Variants in KCNQ1 observed in about 807,000 individuals in gnomAD.
KCNQ1 encodes the protein potassium voltage-gated channel subfamily Q member 1.
Under a neutral mutation model 72.4 loss-of-function variants are expected in KCNQ1, and 49 were observed. The observed-to-expected ratio is 0.68, with a 90% confidence interval of 0.54 to 0.86. The LOEUF is 0.86. Ranked by LOEUF, KCNQ1 falls within the 40% of genes least tolerant of loss-of-function variation. KCNQ1 has a pLI of 0.00. For synonymous variants in KCNQ1, 450 were observed against 412.6 expected (o/e 1.09, Z -1.10); for missense variants, 790 against 945.1 (o/e 0.84, Z 2.15).
rs541909595 is a variant in KCNQ1 at position 2,564,687 on chromosome 11, T to A, written c.478-5941T>A. The stretch of plus-strand genomic sequence containing the variant: ...CATCGCCACCATCCAGCTCCAGAGC[T>A]TTTTTCATCTTGCAAAACTGATGAA... On this transcript the variant is annotated intron_variant, in intron 2 of 15. Transcript: ENST00000155840. The surrounding 1 kb of genome is among the most constrained non-coding windows in gnomAD (Gnocchi z 4.5). 6.6e-6 allele frequency among the ~76,000 whole-genome samples: 1 copy of A among 152,218 alleles called. No homozygotes were observed. The highest frequency in any genetic ancestry group is 2.1e-4 in the South Asian group (1 of 4,828).
Position 2,484,583 on chromosome 11 carries a change from C to A in KCNQ1, c.386+39099C>A. Among the ~76,000 whole-genome samples the A allele has an allele frequency of 6.6e-6, 1 of 152,198 alleles. No homozygotes were observed. The highest frequency in any genetic ancestry group is 1.9e-4 in the East Asian group (1 of 5,196). On this transcript the variant is annotated intron_variant, in intron 1 of 15. Transcript: ENST00000155840. This position sits in a 1 kb window ranked among gnomAD's most constrained non-coding sequence, Gnocchi z 5.2. ...TTTCTTGGACACTGCCTTCCTGGCA[C>A]CCCAAGATGCTCTGGGCTCAGCTTG...
In KCNQ1 at chr11:2,848,572, G is replaced by A. The variant is rs1848391230; in HGVS notation, c.*569G>A. The stretch of plus-strand genomic sequence containing the variant: ...TGCTGACCCATGGGCAGGAGACTGT[G>A]GAGACTGCTCCTGAGCCCCCAGCTT... On this transcript the variant is annotated 3_prime_UTR_variant, in exon 16 of 16. Coordinates refer to ENST00000155840, the MANE Select transcript of KCNQ1 (RefSeq NM_000218.3). 2.2e-6 allele frequency: 1 copy of A among 454,180 alleles called. No homozygotes were observed. Among genetic ancestry groups the A allele is most frequent in the Non-Finnish European group, 4.4e-6 (1 of 226,776 alleles). 28.1% of individuals were successfully genotyped at this position (454,180 alleles called of 1,614,324 possible).
In KCNQ1 at chr11:2,464,650, G is replaced by A. The variant is rs1045889587; in HGVS notation, c.386+19166G>A. Among the ~76,000 whole-genome samples the A allele has an allele frequency of 2.3e-4, 35 of 152,266 alleles. No individual in the cohort carries two copies. Among genetic ancestry groups the A allele is most frequent in the Admixed American group, 2.0e-3 (31 of 15,304 alleles). ...GACAGGAGTTGGGGGGGTGGGCAGT[G>A]CCTCTGTGTGGCAGATTCCAGCTTC... On this transcript the variant is annotated intron_variant, in intron 1 of 15. Transcript: ENST00000155840. This position sits in a 1 kb window ranked among gnomAD's most constrained non-coding sequence, Gnocchi z 5.0.
chr11:2,661,872 C>T lies in KCNQ1; in HGVS notation c.1394-89C>T, dbSNP rs1391797801. ...TTCCAGGCACAAGCTCCACTCCTCA[C>T]CTGGCCCTGGGAGCTCACAGGCCTG... On this transcript the variant is annotated intron_variant, in intron 10 of 15. Transcript: ENST00000155840. The surrounding 1 kb of genome is among the most constrained non-coding windows in gnomAD (Gnocchi z 5.9). 5 of 1,548,060 alleles carry T rather than the reference C, an allele frequency of 3.2e-6. No homozygotes were observed. The African/African-American group carries it at 4.1e-5, about 13-fold the overall frequency.
chr11:2,848,206 TG>T lies in KCNQ1; in HGVS notation c.*208del. On this transcript the variant is annotated 3_prime_UTR_variant, in exon 16 of 16. Transcript: ENST00000155840. ...CAAGGCCACCTCTTCCTGGCCGGTG[TG>T]GGGGCCCCGTCTCAGGTCTGAGTTG... 2 of 677,778 alleles carry T rather than the reference TG, an allele frequency of 3.0e-6. No individual in the cohort carries two copies. The highest frequency in any genetic ancestry group is 5.3e-6 in the Non-Finnish European group (2 of 377,756). 42.0% of individuals were successfully genotyped at this position (677,778 alleles called of 1,614,324 possible).
chr11:2,572,180 T>G (rs1848347803), intron 5 of KCNQ1, 71 bp downstream of exon 5: 8 of 1,195,336 alleles, frequency 6.7e-6, no homozygotes, highest in Non-Finnish European at 9.7e-6. Context: ...CAGCCCACAC[T>G]AGGACAGCTT....
Position 2,712,836 on chromosome 11 carries a change from A to AGTTTGGG in KCNQ1, c.1514+50757_1514+50763dup, listed in dbSNP as rs751595867. On this transcript the variant is annotated intron_variant, in intron 11 of 15. Coordinates refer to ENST00000155840, the MANE Select transcript of KCNQ1 (RefSeq NM_000218.3). The surrounding 1 kb of genome is among the most constrained non-coding windows in gnomAD (Gnocchi z 6.4). ...GGAGCACACATGGCATCTCCTAGAG[A>AGTTTGGG]GTTTGGGGGCTGGACACAGGGAGGA... Among the ~76,000 whole-genome samples, 1 of 152,010 alleles carries AGTTTGGG rather than the reference A, an allele frequency of 6.6e-6. No individual in the cohort carries two copies. Among genetic ancestry groups the AGTTTGGG allele is most frequent in the Non-Finnish European group, 1.5e-5 (1 of 67,980 alleles).
In KCNQ1 at chr11:2,477,554, A is replaced by G. The variant is rs1450222031; in HGVS notation, c.386+32070A>G. ...ACCAGTGATATGTACACAGAGAGCAATGAAAATCCTCATTATGATGGCAGA... is the reference window on the plus strand; with the variant it reads ...ACCAGTGATATGTACACAGAGAGCAGTGAAAATCCTCATTATGATGGCAGA... On this transcript the variant is annotated intron_variant, in intron 1 of 15. Coordinates refer to ENST00000155840, the MANE Select transcript of KCNQ1 (RefSeq NM_000218.3). The surrounding 1 kb of genome is among the most constrained non-coding windows in gnomAD (Gnocchi z 5.0). 6.6e-6 allele frequency among the ~76,000 whole-genome samples: 1 copy of G among 152,144 alleles called. No homozygotes were observed. The highest frequency in any genetic ancestry group is 1.9e-4 in the East Asian group (1 of 5,188).
Position 2,651,443 on chromosome 11 carries a change from G to C in KCNQ1, c.1394-10518G>C, listed in dbSNP as rs999927879. ...CCTGTGTGCAGCTCAGCAAGTGCCT[G>C]AAGTCAGAGGTAGTGCTTATGAAAG... On this transcript the variant is annotated intron_variant, in intron 10 of 15. Coordinates refer to ENST00000155840, the MANE Select transcript of KCNQ1 (RefSeq NM_000218.3). The surrounding 1 kb of genome is among the most constrained non-coding windows in gnomAD (Gnocchi z 6.1). 3 of 398,620 alleles carry C rather than the reference G, an allele frequency of 7.5e-6. No individual in the cohort carries two copies. The highest frequency in any genetic ancestry group is 1.3e-5 in the Non-Finnish European group (3 of 226,154). 24.7% of individuals were successfully genotyped at this position (398,620 alleles called of 1,614,324 possible).
intron 12 of KCNQ1, 140 bp from the exon 13 acceptor site, chr11:2,775,820 C>G: frequency 1.2e-6 from 1 of 816,092 alleles, no homozygotes; most frequent in Non-Finnish European, 2.1e-6. Context: ...CGCTTGGAAC[C>G]AGGCTTATGC....
chr11:2,500,731 G>A (rs1335685689), intron 1 of KCNQ1, among the ~76,000 whole-genome samples: 4 of 152,062 alleles, frequency 2.6e-5, no homozygotes, highest in Admixed American at 6.6e-5. Context: ...TCAGGGACAC[G>A]GATGAAGCTG....
intron 15 of KCNQ1, among the ~76,000 whole-genome samples, chr11:2,842,432 C>T (rs1330653654): frequency 2.6e-5 from 4 of 152,246 alleles, no homozygotes; most frequent in African/African-American, 9.6e-5. Context: ...TTTGTCCCAG[C>T]AGCACCCCCA....
Position 2,673,198 on chromosome 11 carries a change from G to T in KCNQ1, c.1514+11117G>T. Reference sequence around the variant, plus strand: ...GGCCCTGGAGCCAAGGCCAAAAGCCGAACTGTGACTAGGCAAGCTGAGTCC... The same window carrying T: ...GGCCCTGGAGCCAAGGCCAAAAGCCTAACTGTGACTAGGCAAGCTGAGTCC... On this transcript the variant is annotated intron_variant, in intron 11 of 15. Coordinates refer to ENST00000155840, the MANE Select transcript of KCNQ1 (RefSeq NM_000218.3). The surrounding 1 kb of genome is among the most constrained non-coding windows in gnomAD (Gnocchi z 4.5). 1 of 398,672 alleles carries T rather than the reference G, an allele frequency of 2.5e-6. No homozygotes were observed. Among genetic ancestry groups the T allele is most frequent in the Admixed American group, 4.4e-5 (1 of 22,736 alleles). The allele number at this position is 398,672 out of a possible 1,614,324, so 24.7% of individuals were successfully genotyped here.
At position 2,536,358 on chromosome 11, in the gene KCNQ1, C is replaced by T. The variant is rs1847731672; in HGVS notation, c.477+8340C>T. 6.6e-6 allele frequency among the ~76,000 whole-genome samples: 1 copy of T among 152,110 alleles called. No homozygotes were observed. Among genetic ancestry groups the T allele is most frequent in the Non-Finnish European group, 1.5e-5 (1 of 68,008 alleles). ...GTCTCTCGTGCACCATTGCTCAACCCCCGAGAGTTATGGAAGGAAGGGAGG... is the reference window on the plus strand; with the variant it reads ...GTCTCTCGTGCACCATTGCTCAACCTCCGAGAGTTATGGAAGGAAGGGAGG... On this transcript the variant is annotated intron_variant, in intron 2 of 15. Coordinates refer to ENST00000155840, the MANE Select transcript of KCNQ1 (RefSeq NM_000218.3). The surrounding 1 kb of genome is among the most constrained non-coding windows in gnomAD (Gnocchi z 7.4).
At chr11:2,702,565 G>A (rs1001874319) in intron 11 of KCNQ1, among the ~76,000 whole-genome samples, 1 of 152,138 alleles carries the variant, frequency 6.6e-6, no homozygotes, top group African/African-American at 2.4e-5. Flanking sequence ...TCTAATTGTG[G>A]GCCTGGATGG....
intron 10 of KCNQ1, among the ~76,000 whole-genome samples, chr11:2,607,715 CG>C (rs1013449262): frequency 1.3e-5 from 2 of 152,172 alleles, no homozygotes; most frequent in African/African-American, 4.8e-5. Context: ...TGACAGAAAT[CG>C]TGGTGTTTTG....
intron 2 of KCNQ1, among the ~76,000 whole-genome samples, chr11:2,558,854 G>A (rs1447723292): frequency 6.6e-6 from 1 of 152,152 alleles, no homozygotes. Context: ...GAAAGATTTG[G>A]CCCCAATGAT....
At position 2,691,012 on chromosome 11, in the gene KCNQ1, G is replaced by C. The variant is rs577095860; in HGVS notation, c.1514+28931G>C. The C allele has an allele frequency of 5.0e-6, 2 of 398,540 alleles. No homozygotes were observed. Among genetic ancestry groups the C allele is most frequent in the South Asian group, 1.3e-4 (1 of 7,860 alleles). The allele number at this position is 398,540 out of a possible 1,614,324, so 24.7% of individuals were successfully genotyped here. ...CATCAATGAAGTGGGCAAAAGCTCTGGGTGAACTCTTGGCTCAGGTATCAG... is the reference window on the plus strand; with the variant it reads ...CATCAATGAAGTGGGCAAAAGCTCTCGGTGAACTCTTGGCTCAGGTATCAG... On this transcript the variant is annotated intron_variant, in intron 11 of 15. Transcript: ENST00000155840. The surrounding 1 kb of genome is among the most constrained non-coding windows in gnomAD (Gnocchi z 6.4).
At position 2,463,282 on chromosome 11, in the gene KCNQ1, G is replaced by A. The variant is rs1214887419; in HGVS notation, c.386+17798G>A. Among the ~76,000 whole-genome samples the A allele has an allele frequency of 2.0e-5, 3 of 152,190 alleles. No homozygotes were observed. The highest frequency in any genetic ancestry group is 2.4e-5 in the African/African-American group (1 of 41,440). On this transcript the variant is annotated intron_variant, in intron 1 of 15. Coordinates refer to ENST00000155840, the MANE Select transcript of KCNQ1 (RefSeq NM_000218.3). The surrounding 1 kb of genome is among the most constrained non-coding windows in gnomAD (Gnocchi z 7.0). The stretch of plus-strand genomic sequence containing the variant: ...GGGTGACACAGAAGGCAGGAATGCA[G>A]AAGGCCTTTCAGAAGTTCTCACTGG...
Sources: gnomAD v4.1 joint callset for allele counts (sites outside exome capture counted in the v4.1 genomes callset) on GRCh38, gnomAD v4.1.1 for gene constraint, Gnocchi (gnomAD v3.1) non-coding constraint, MANE v1.5 for transcripts, NCBI Gene and HGNC (gene_info 2026-07-23, HGNC 2026-07-21) for gene names.